Variants in TEX2 observed in about 807,000 individuals in gnomAD.
The protein encoded by TEX2 is testis expressed 2.
In TEX2, 53 loss-of-function variants were observed where a neutral mutation model predicts 106.9. That is an observed-to-expected ratio of 0.50 (90% CI 0.40 to 0.62). The LOEUF (loss-of-function observed/expected upper bound fraction) is 0.62, where lower values mean the gene tolerates loss of function less well. Among genes scored for constraint, TEX2 ranks in the 20% least tolerant of loss-of-function variants. TEX2 has a pLI of 0.00. For missense variants in TEX2, 1,207 were observed against 1,379.0 expected, an observed-to-expected ratio of 0.88 and a Z score of 1.98; for synonymous variants, 523 against 534.8, an observed-to-expected ratio of 0.98 and a Z score of 0.30.
intron 1 of TEX2, among the ~76,000 whole-genome samples, chr17:64,229,130 G>A (rs1164493230): frequency 3.3e-5 from 5 of 152,190 alleles, no homozygotes; most frequent in African/African-American, 1.2e-4. Flanking sequence ...TCTGTAGGAT[G>A]TATTTCTAGA....
In TEX2 at chr17:64,248,279, A is replaced by G. The variant is rs571264204; in HGVS notation, c.-26+14889T>C. Among the ~76,000 whole-genome samples the G allele has an allele frequency of 9.2e-5, 14 of 152,360 alleles. No individual in the cohort carries two copies. The South Asian group carries it at 2.7e-3, about 29-fold the overall frequency. ...TTGGTACACTAATTTATAAGCTATT[A>G]ATTTGGGAGAAAAGAATCTATTTTA... On this transcript the variant is annotated intron_variant, in intron 1 of 11. Transcript: ENST00000584379.
chr17:64,182,987 C>A (rs1029647758), intron 5 of TEX2, among the ~76,000 whole-genome samples: 1 of 150,874 alleles, frequency 6.6e-6, no homozygotes, highest in Non-Finnish European at 1.5e-5. Flanking sequence ...CTCACTGCAA[C>A]CTATGCCTCC....
intron 7 of TEX2, among the ~76,000 whole-genome samples, chr17:64,163,852 G>A (rs1320514205): frequency 6.6e-6 from 1 of 152,208 alleles, no homozygotes; most frequent in Admixed American, 6.5e-5. Context: ...GAGGAATGCG[G>A]TTACAGGGCC....
chr17:64,251,054 T>G (rs2034081101), intron 1 of TEX2, among the ~76,000 whole-genome samples: 1 of 152,078 alleles, frequency 6.6e-6, no homozygotes, highest in Non-Finnish European at 1.5e-5. Flanking sequence ...GCACACAGAG[T>G]AAATTACTTA....
At chr17:64,200,547 C>G (rs1555629968) in intron 2 of TEX2, among the ~76,000 whole-genome samples, 1 of 152,178 alleles carries the variant, frequency 6.6e-6, no homozygotes, top group Non-Finnish European at 1.5e-5. Flanking sequence ...GATGAGTATG[C>G]AATTACCTTC....
chr17:64,211,587 T>G (rs188616060), intron 2 of TEX2, among the ~76,000 whole-genome samples: 4 of 152,302 alleles, frequency 2.6e-5, no homozygotes, highest in Non-Finnish European at 4.4e-5. Flanking sequence ...TTAGGTATTA[T>G]AAGTAATCTA....
chr17:64,150,313 G>T (rs1475001846), intron 11 of TEX2: 1 of 152,272 alleles, frequency 6.6e-6, no homozygotes, highest in African/African-American at 2.4e-5. Flanking sequence ...GTAAGCTCTG[G>T]CTTAATGAAC....
At chr17:64,176,110 G>A (rs1173286089) in intron 6 of TEX2, among the ~76,000 whole-genome samples, 1 of 152,130 alleles carries the variant, frequency 6.6e-6, no homozygotes, top group East Asian at 1.9e-4. Flanking sequence ...ACACAAACAG[G>A]CTGACACCTG....
intron 7 of TEX2, among the ~76,000 whole-genome samples, chr17:64,164,972 G>T (rs2031059358): frequency 6.6e-6 from 1 of 152,172 alleles, no homozygotes; most frequent in Non-Finnish European, 1.5e-5. Flanking sequence ...GCTTGAGAGG[G>T]CACCTGCTGC....
intron 10 of TEX2, among the ~76,000 whole-genome samples, chr17:64,152,269 TC>T (rs2030394693): frequency 6.6e-6 from 1 of 152,218 alleles, no homozygotes; most frequent in Non-Finnish European, 1.5e-5. Flanking sequence ...GATGCTGAAC[TC>T]ATCAGTAATT....
chr17:64,191,541 G>A (rs1224190949), intron 4 of TEX2, among the ~76,000 whole-genome samples: 1 of 152,168 alleles, frequency 6.6e-6, no homozygotes, highest in Non-Finnish European at 1.5e-5. Flanking sequence ...AAGAGGTCGG[G>A]CACAGTGGCT....
intron 1 of TEX2, among the ~76,000 whole-genome samples, chr17:64,234,001 G>A (rs782085873): frequency 6.6e-6 from 1 of 152,156 alleles, no homozygotes; most frequent in Admixed American, 6.5e-5. Flanking sequence ...GGGCCTCCAT[G>A]GACGCCCATT....
chr17:64,149,915 CT>C (rs1257559597), intron 11 of TEX2: 1 of 100,724 alleles, frequency 9.9e-6, no homozygotes, highest in African/African-American at 4.7e-5. Context: ...AAGACTCTGT[CT>C]TAAAAAAAAA....
rs1432392327 is a variant in TEX2, at chr17:64,185,068, C to T, written c.2424+3100G>A. Among the ~76,000 whole-genome samples, 1 of 152,148 alleles carries T rather than the reference C, an allele frequency of 6.6e-6. No individual in the cohort carries two copies. The highest frequency in any genetic ancestry group is 1.5e-5 in the Non-Finnish European group (1 of 68,036). On this transcript the variant is annotated intron_variant, in intron 5 of 11. Transcript: ENST00000584379. This position sits in a 1 kb window ranked among gnomAD's most constrained non-coding sequence, Gnocchi z 4.0. ...GGTTTCTATTTGACTCCTATTTGCT[C>T]TGTAACATTCTCATCTTCTGATAAC...
intron 9 of TEX2, among the ~76,000 whole-genome samples, chr17:64,154,490 A>AC (rs1449076416): frequency 2.2e-4 from 34 of 152,092 alleles, no homozygotes; most frequent in Non-Finnish European, 4.6e-4. Flanking sequence ...AAGCAAATGC[A>AC]CTCCAGCTGA....
At chr17:64,160,588 A>AG (rs2030838008) in intron 8 of TEX2, among the ~76,000 whole-genome samples, 1 of 152,116 alleles carries the variant, frequency 6.6e-6, no homozygotes, top group Non-Finnish European at 1.5e-5. Flanking sequence ...CTGAGGTCAA[A>AG]GGCGCTGTCA....
intron 1 of TEX2, among the ~76,000 whole-genome samples, chr17:64,262,141 G>A (rs1307242795): frequency 6.6e-6 from 1 of 152,210 alleles, no homozygotes; most frequent in East Asian, 1.9e-4. Flanking sequence ...AGCGGTGATG[G>A]TGTGAAGACG....
At chr17:64,178,966 C>G (rs188712068) in intron 5 of TEX2, among the ~76,000 whole-genome samples, 2 of 152,244 alleles carry the variant, frequency 1.3e-5, no homozygotes, top group Non-Finnish European at 1.5e-5. Context: ...GTGAGTACTC[C>G]CAAGGTCTAC....
chr17:64,160,857 T>C lies in TEX2; in HGVS notation c.2748A>G (p.Lys916=). The change falls in exon 8 of 12, where the codon AAA becomes AAG. Residue 916 remains lysine, a synonymous_variant. Transcript: ENST00000584379. ...MTLETKMNLT[K]LGKEPLVEAL... is the part of the protein sequence containing the mutation. ...CTTCAACAAGAGGCTCTTTACCTAG[T>C]TTGGTCAAATTCATTTTGGTCTCGA... is the stretch of plus-strand genomic sequence containing the variant. 6.2e-7 allele frequency: 1 copy of C among 1,614,152 alleles called. No homozygotes were observed. Among genetic ancestry groups the C allele is most frequent in the South Asian group, 1.1e-5 (1 of 91,086 alleles).
Sources: gnomAD v4.1 joint callset for allele counts (sites outside exome capture counted in the v4.1 genomes callset) on GRCh38, gnomAD v4.1.1 for gene constraint, Gnocchi (gnomAD v3.1) non-coding constraint, MANE v1.5 for transcripts, NCBI Gene and HGNC (gene_info 2026-07-23, HGNC 2026-07-21) for gene names.